Variants in HCN1 observed in about 807,000 individuals in gnomAD.
HCN1 encodes the protein potassium/sodium hyperpolarization-activated cyclic nucleotide-gated channel 1.
Under a neutral mutation model 78.9 loss-of-function variants are expected in HCN1, and 13 were observed. That is an observed-to-expected ratio of 0.16 (90% CI 0.11 to 0.26). The LOEUF is 0.26. Among genes scored for constraint, HCN1 ranks in the 10% least tolerant of loss-of-function variants. The probability of loss-of-function intolerance (pLI) is 1.00; values close to 1 mark genes in which losing one functional copy is unlikely to be tolerated. For synonymous variants in HCN1, 552 were observed against 455.5 expected (o/e 1.21, Z -2.70); for missense variants, 810 against 1,154.3 (o/e 0.70, Z 4.32).
chr5:45,304,690 ATAAAAT>A (rs1193650144), intron 5 of HCN1, among the ~76,000 whole-genome samples: 1 of 152,134 alleles, frequency 6.6e-6, no homozygotes, highest in African/African-American at 2.4e-5. Context: ...GATTAAAAAA[ATAAAAT>A]TATAAATTCA....
At chr5:45,313,350 C>G (rs893175469) in intron 5 of HCN1, among the ~76,000 whole-genome samples, 1 of 152,040 alleles carries the variant, frequency 6.6e-6, no homozygotes, top group Admixed American at 6.6e-5. Flanking sequence ...GACATTCACA[C>G]CAAAACCCCA....
chr5:45,546,945 G>A (rs75587095), intron 2 of HCN1, among the ~76,000 whole-genome samples: 47 of 151,824 alleles, frequency 3.1e-4, no homozygotes, highest in African/African-American at 1.0e-3. Flanking sequence ...TTTTCAGTCC[G>A]CATCGTCTTA....
intron 2 of HCN1, among the ~76,000 whole-genome samples, chr5:45,517,301 C>T (rs890436837): frequency 1.6e-4 from 24 of 151,770 alleles, no homozygotes; most frequent in Admixed American, 1.6e-3. Context: ...CTTATTTTTA[C>T]TTCTTTATTA....
intron 3 of HCN1, among the ~76,000 whole-genome samples, chr5:45,426,770 A>G (rs1277507005): frequency 6.6e-6 from 1 of 152,170 alleles, no homozygotes; most frequent in Non-Finnish European, 1.5e-5. Flanking sequence ...GAAATCTGAG[A>G]ATGTGTGTTT....
At chr5:45,505,961 A>G (rs940208928) in intron 2 of HCN1, among the ~76,000 whole-genome samples, 12 of 152,252 alleles carry the variant, frequency 7.9e-5, no homozygotes, top group African/African-American at 2.9e-4. Flanking sequence ...GTATCATTAT[A>G]TCTTGGTAAG....
At chr5:45,440,140 C>T (rs1253989512) in intron 3 of HCN1, among the ~76,000 whole-genome samples, 2 of 151,342 alleles carry the variant, frequency 1.3e-5, no homozygotes, top group Non-Finnish European at 2.9e-5. Context: ...TCAAAAAGTT[C>T]AAGCATCACT....
chr5:45,410,605 T>C (rs1205140305), intron 3 of HCN1, among the ~76,000 whole-genome samples: 2 of 152,102 alleles, frequency 1.3e-5, no homozygotes, highest in Non-Finnish European at 2.9e-5. Flanking sequence ...CAACAACGCA[T>C]GTTCCTCAAC....
At chr5:45,576,157 GA>G (rs1227928674) in intron 2 of HCN1, 1 of 152,080 alleles carries the variant, frequency 6.6e-6, no homozygotes, top group African/African-American at 2.4e-5. Flanking sequence ...AAAAGAACTA[GA>G]ATTAGAAGTG....
chr5:45,514,144 T>G (rs972174789), intron 2 of HCN1, among the ~76,000 whole-genome samples: 1 of 152,162 alleles, frequency 6.6e-6, no homozygotes, highest in Non-Finnish European at 1.5e-5. Flanking sequence ...TCTCAAAATT[T>G]CTTCTCCTTA....
chr5:45,663,665 C>G (rs1024860108), intron 1 of HCN1, among the ~76,000 whole-genome samples: 5 of 151,726 alleles, frequency 3.3e-5, no homozygotes, highest in Non-Finnish European at 7.4e-5. Flanking sequence ...ACAGACACTT[C>G]TCAAGAGAAG....
At chr5:45,381,668 A>C (rs766858795) in intron 4 of HCN1, among the ~76,000 whole-genome samples, 1 of 151,978 alleles carries the variant, frequency 6.6e-6, no homozygotes, top group Non-Finnish European at 1.5e-5. Flanking sequence ...TCAATCCAGC[A>C]AGTCCTGCCA....
chr5:45,579,616 T>C lies in HCN1; in HGVS notation c.849+65569A>G, dbSNP rs555572224. Among the ~76,000 whole-genome samples, 6 of 152,260 alleles carry C rather than the reference T, an allele frequency of 3.9e-5. No homozygotes were observed. In the South Asian group the frequency reaches 1.2e-3, roughly 32 times the overall value. ...AAAAAAGTGAATAAGTGCTGATTTA[T>C]AATTGGGTTTTTAATTGTTAACATT... On this transcript the variant is annotated intron_variant, in intron 2 of 7. Coordinates refer to ENST00000303230, the MANE Select transcript of HCN1 (RefSeq NM_021072.4).
chr5:45,521,723 G>A (rs1412355854), intron 2 of HCN1, among the ~76,000 whole-genome samples: 1 of 151,792 alleles, frequency 6.6e-6, no homozygotes, highest in Non-Finnish European at 1.5e-5. Flanking sequence ...TTGCAGGGAG[G>A]GGATAAAATT....
intron 5 of HCN1, among the ~76,000 whole-genome samples, chr5:45,343,841 A>G (rs1229966118): frequency 2.6e-5 from 4 of 151,610 alleles, no homozygotes; most frequent in Non-Finnish European, 2.9e-5. Context: ...AGTGTTAAAG[A>G]AGCCAAAAAA....
chr5:45,271,987 T>C (rs1041720371), intron 6 of HCN1, among the ~76,000 whole-genome samples: 3 of 152,114 alleles, frequency 2.0e-5, no homozygotes, highest in Non-Finnish European at 4.4e-5. Flanking sequence ...TTAAGAAGTA[T>C]GAAAAACACT....
At chr5:45,368,244 C>G (rs1049235478) in intron 4 of HCN1, among the ~76,000 whole-genome samples, 2 of 151,960 alleles carry the variant, frequency 1.3e-5, no homozygotes, top group Admixed American at 6.6e-5. Context: ...CTAATTTGAT[C>G]TTTTCTTCTA....
intron 4 of HCN1, 32 bp from the exon 5 acceptor site, chr5:45,353,278 A>G (rs1746948688): frequency 6.7e-7 from 1 of 1,499,898 alleles, no homozygotes; most frequent in Non-Finnish European, 9.3e-7. Context: ...ATTAAAAAAA[A>G]ACATTGTTAG....
chr5:45,287,777 A>C (rs986269387), intron 6 of HCN1, among the ~76,000 whole-genome samples: 1 of 152,044 alleles, frequency 6.6e-6, no homozygotes, highest in African/African-American at 2.4e-5. Context: ...AGTCAGGAGA[A>C]ATACAAATTG....
At chr5:45,371,818 T>C (rs1747369566) in intron 4 of HCN1, among the ~76,000 whole-genome samples, 2 of 135,390 alleles carry the variant, frequency 1.5e-5, no homozygotes, top group African/African-American at 5.5e-5. Context: ...GTATATGTGC[T>C]GTTTTCTACT....
Sources: allele counts gnomAD v4.1 joint callset (sites outside exome capture counted in the v4.1 genomes callset), GRCh38; gene constraint gnomAD v4.1.1; transcripts MANE v1.5; gene names NCBI Gene and HGNC (gene_info 2026-07-23, HGNC 2026-07-21).